LNP1: variants seen among roughly 807,000 people sequenced by gnomAD.
LNP1 encodes the protein leukemia NUP98 fusion partner 1.
Under a neutral mutation model 14.5 loss-of-function variants are expected in LNP1, and 12 were observed. The observed-to-expected ratio is 0.83, with a 90% confidence interval of 0.53 to 1.34. LNP1 has a LOEUF of 1.34. LNP1 is among the 40% of genes most tolerant of loss of function. The pLI, the probability that LNP1 is intolerant of heterozygous loss-of-function variation, is 0.00. For synonymous variants in LNP1, 75 were observed against 71.4 expected (o/e 1.05, Z -0.26); for missense variants, 198 against 210.9 (o/e 0.94, Z 0.38).
At chr3:100,453,451 A>G (rs1203567446) in intron 3 of LNP1, among the ~76,000 whole-genome samples, 1 of 151,140 alleles carries the variant, frequency 6.6e-6, no homozygotes, top group African/African-American at 2.4e-5. Flanking sequence ...ATTACCAGCC[A>G]TGGTGTCCTG....
chr3:100,440,520 A>G (rs1363092619), intron 2 of LNP1, among the ~76,000 whole-genome samples: 5 of 152,162 alleles, frequency 3.3e-5, no homozygotes, highest in African/African-American at 9.7e-5. Flanking sequence ...CAGTGTTGGT[A>G]TTATTAAAAC....
chr3:100,431,460 C>T (rs553350835), intron 2 of LNP1, among the ~76,000 whole-genome samples: 24 of 152,066 alleles, frequency 1.6e-4, no homozygotes, highest in African/African-American at 4.3e-4. Flanking sequence ...CAATGAATTC[C>T]GTAATTATTA....
At chr3:100,404,299 T>A (rs1706942802) in intron 1 of LNP1, among the ~76,000 whole-genome samples, 1 of 152,198 alleles carries the variant, frequency 6.6e-6, no homozygotes, top group African/African-American at 2.4e-5. Flanking sequence ...AATAGAGTCT[T>A]CTGGTTCTTC....
chr3:100,451,184 T>C (rs1707434705), intron 2 of LNP1, among the ~76,000 whole-genome samples: 1 of 152,224 alleles, frequency 6.6e-6, no homozygotes, highest in Non-Finnish European at 1.5e-5. Flanking sequence ...AGGCTGAGAA[T>C]TCATGCCCCT....
Position 100,447,982 on chromosome 3 carries a change from C to T in LNP1, c.157-3737C>T, listed in dbSNP as rs60058117. Among the ~76,000 whole-genome samples the T allele has an allele frequency of 3.2e-3, 490 of 152,184 alleles. 5 individuals carry two copies. The highest frequency in any genetic ancestry group is 0.01 in the African/African-American group (427 of 41,508). On this transcript the variant is annotated intron_variant, in intron 2 of 3. Coordinates refer to ENST00000383693, the MANE Select transcript of LNP1 (RefSeq NM_001085451.2). ...AATATATTTTTAACTGGAAAATACC[C>T]AAATAATGAAATCTCTATTCTTTAG...
At chr3:100,443,243 G>A (rs1487877914) in intron 2 of LNP1, among the ~76,000 whole-genome samples, 1 of 152,064 alleles carries the variant, frequency 6.6e-6, no homozygotes, top group Non-Finnish European at 1.5e-5. Flanking sequence ...TACAGAATTC[G>A]GTCCAAAATG....
intron 2 of LNP1, among the ~76,000 whole-genome samples, chr3:100,430,906 A>G (rs906032091): frequency 6.6e-6 from 1 of 152,234 alleles, no homozygotes; most frequent in Non-Finnish European, 1.5e-5. Flanking sequence ...ACAAAGGGCA[A>G]TCGTCAACCC....
intron 1 of LNP1, among the ~76,000 whole-genome samples, chr3:100,415,731 C>A: frequency 6.6e-6 from 1 of 152,068 alleles, no homozygotes; most frequent in East Asian, 1.9e-4. Flanking sequence ...TAAAAGCTTA[C>A]CAGTAGAAGA....
At chr3:100,445,080 C>T (rs1365886229) in intron 2 of LNP1, among the ~76,000 whole-genome samples, 1 of 152,126 alleles carries the variant, frequency 6.6e-6, no homozygotes, top group East Asian at 1.9e-4. Flanking sequence ...TGAGACCAGT[C>T]TGACCAACAT....
At chr3:100,404,505 C>T (rs772918786) in intron 1 of LNP1, among the ~76,000 whole-genome samples, 4 of 152,126 alleles carry the variant, frequency 2.6e-5, no homozygotes, top group Non-Finnish European at 5.9e-5. Context: ...TAATGACTAC[C>T]ATATTGGACA....
At chr3:100,407,456 G>A (rs528242495) in intron 1 of LNP1, among the ~76,000 whole-genome samples, 1 of 152,202 alleles carries the variant, frequency 6.6e-6, no homozygotes, top group Admixed American at 6.5e-5. Flanking sequence ...GAAATCTGCT[G>A]CTAGGCATAT....
At chr3:100,446,872 A>G (rs1362109764) in intron 2 of LNP1, among the ~76,000 whole-genome samples, 2 of 152,254 alleles carry the variant, frequency 1.3e-5, no homozygotes, top group African/African-American at 4.8e-5. Flanking sequence ...ACTGGTCATC[A>G]GAGAAATGCA....
At chr3:100,402,838 C>T (rs924458635) in intron 1 of LNP1, among the ~76,000 whole-genome samples, 4 of 152,096 alleles carry the variant, frequency 2.6e-5, no homozygotes, top group South Asian at 2.1e-4. Context: ...GAAAAGTCTT[C>T]CTTCAGTCCC....
chr3:100,419,784 G>A (rs141076655), intron 1 of LNP1, among the ~76,000 whole-genome samples: 19 of 151,364 alleles, frequency 1.3e-4, no homozygotes, highest in East Asian at 1.2e-3. Flanking sequence ...ACTTTTTTAC[G>A]CAGCATAGTT....
At chr3:100,446,371 T>C (rs1273509469) in intron 2 of LNP1, among the ~76,000 whole-genome samples, 1 of 152,178 alleles carries the variant, frequency 6.6e-6, no homozygotes, top group East Asian at 1.9e-4. Flanking sequence ...ATTTAAGAAA[T>C]GGTGCTGGGA....
At chr3:100,433,401 T>C (rs950855988) in intron 2 of LNP1, among the ~76,000 whole-genome samples, 5 of 152,226 alleles carry the variant, frequency 3.3e-5, no homozygotes, top group Middle Eastern at 3.2e-3. Flanking sequence ...CATGATCTCA[T>C]TCTTTTTTAT....
At chr3:100,438,139 G>T (rs1369963337) in intron 2 of LNP1, among the ~76,000 whole-genome samples, 1 of 152,190 alleles carries the variant, frequency 6.6e-6, no homozygotes, top group South Asian at 2.1e-4. Context: ...TCATCTTGCT[G>T]TTAACCATTG....
chr3:100,429,901 G>A lies in LNP1; in HGVS notation c.156+16G>A. 6.2e-7 allele frequency: 1 copy of A among 1,608,648 alleles called. No homozygotes were observed. Among genetic ancestry groups the A allele is most frequent in the Non-Finnish European group, 8.5e-7 (1 of 1,177,828 alleles). On this transcript the variant is annotated intron_variant, in intron 2 of 3. Coordinates refer to ENST00000383693, the MANE Select transcript of LNP1 (RefSeq NM_001085451.2). Reference sequence around the variant, plus strand: ...GCCCTGCCCAGTGAGTGATTGTCATGGAACCGGAGGGGAGAGCTGGAATAG... The same window carrying A: ...GCCCTGCCCAGTGAGTGATTGTCATAGAACCGGAGGGGAGAGCTGGAATAG...
At chr3:100,410,181 T>C (rs566574022) in intron 1 of LNP1, among the ~76,000 whole-genome samples, 2 of 152,066 alleles carry the variant, frequency 1.3e-5, no homozygotes, top group South Asian at 2.1e-4. Context: ...AAAGCCAACA[T>C]TGTTGTGAGG....
Sources: gnomAD v4.1 joint callset for allele counts (sites outside exome capture counted in the v4.1 genomes callset) on GRCh38, gnomAD v4.1.1 for gene constraint, MANE v1.5 for transcripts, NCBI Gene and HGNC (gene_info 2026-07-23, HGNC 2026-07-21) for gene names.